EXOC5: variants seen among roughly 807,000 people sequenced by gnomAD.
The protein encoded by EXOC5 is exocyst complex component 5.
EXOC5 carries 17 observed loss-of-function variants against 90.8 expected under a neutral mutation model. That is an observed-to-expected ratio of 0.19 (90% CI 0.13 to 0.28). The LOEUF (loss-of-function observed/expected upper bound fraction) is 0.28, where lower values mean the gene tolerates loss of function less well. EXOC5 is among the 10% of genes least tolerant of loss of function. EXOC5 has a pLI of 1.00. For missense variants in EXOC5, 569 were observed against 830.6 expected (o/e 0.69, Z 3.87); for synonymous variants, 260 against 270.0 (o/e 0.96, Z 0.36).
In EXOC5 at chr14:57,208,690, A is replaced by C. The variant is rs1435960689; in HGVS notation, c.2046T>G (p.Asn682Lys). The change falls in exon 18 of 18, where the codon AAT becomes AAG. Residue 682 changes from asparagine to lysine, a missense_variant. Physicochemically the swap from Asn to Lys is moderately conservative, Grantham distance 94. Transcript: ENST00000621441. ...AGGAGTGAAGTATATTCTTGTCCAG[A>C]TTAGCAAGTTGTTCTCCTGAGCAGA... Reference protein sequence around the residue: ...KQVCSGEQLANLDKNILHSFV... With the variant: ...KQVCSGEQLAKLDKNILHSFV... The C allele has an allele frequency of 6.2e-7, 1 of 1,612,878 alleles. No individual in the cohort carries two copies. Among genetic ancestry groups the C allele is most frequent in the Non-Finnish European group, 8.5e-7 (1 of 1,179,452 alleles).
intron 17 of EXOC5, 57 bp downstream of exon 17, chr14:57,209,506 TAATA>T (rs1305183515): frequency 1.1e-6 from 1 of 890,464 alleles, no homozygotes; most frequent in African/African-American, 1.7e-5. Context: ...TAGTGATTTT[TAATA>T]ATCTGACTTA....
At position 57,207,317 on chromosome 14, in the gene EXOC5, T is replaced by C. The variant is rs1321542978; in HGVS notation, c.*1292A>G. On this transcript the variant is annotated 3_prime_UTR_variant, in exon 18 of 18. Transcript: ENST00000621441. ...GAAAAAATGCCAAGAGTGAATTGAA[T>C]ACTTAAGTTTATCTGTTCCTAGAAG... 2.6e-5 allele frequency: 4 copies of C among 152,504 alleles called. No individual in the cohort carries two copies. The highest frequency in any genetic ancestry group is 2.9e-5 in the Non-Finnish European group (2 of 67,954). 9.4% of individuals were successfully genotyped at this position (152,504 alleles called of 1,614,324 possible).
At position 57,268,864 on chromosome 14, in the gene EXOC5, G is replaced by A. The variant is rs1027017839; in HGVS notation, c.-216C>T. On this transcript the variant is annotated 5_prime_UTR_variant, in exon 1 of 18. Coordinates refer to ENST00000621441, the MANE Select transcript of EXOC5 (RefSeq NM_006544.4). ...TCAGCTGCCTCCCGGCGCCGCCCGCGCTGCTCCCATTGTCACCGCCTCATA... is the reference window on the plus strand; with the variant it reads ...TCAGCTGCCTCCCGGCGCCGCCCGCACTGCTCCCATTGTCACCGCCTCATA... The A allele has an allele frequency of 2.0e-5, 26 of 1,280,164 alleles. No individual in the cohort carries two copies. The highest frequency in any genetic ancestry group is 2.7e-5 in the Non-Finnish European group (26 of 974,644). The allele number at this position is 1,280,164 out of a possible 1,614,324, so 79.3% of individuals were successfully genotyped here.
intron 13 of EXOC5, among the ~76,000 whole-genome samples, chr14:57,220,207 C>G (rs141313353): frequency 6.6e-6 from 1 of 151,402 alleles, no homozygotes; most frequent in Non-Finnish European, 1.5e-5. Context: ...TCCCTCCGCC[C>G]CCCCTGCCCC....
chr14:57,216,291 A>G (rs959666351), intron 15 of EXOC5, among the ~76,000 whole-genome samples: 2 of 151,864 alleles, frequency 1.3e-5, no homozygotes, highest in African/African-American at 2.4e-5. Context: ...AAAAAAAAAA[A>G]CACTAAAATT....
intron 1 of EXOC5, chr14:57,268,199 TTCC>T (rs926574544): frequency 1.3e-5 from 3 of 233,524 alleles, no homozygotes; most frequent in African/African-American, 6.9e-5. Flanking sequence ...CTCAAGTGGC[TTCC>T]TCCTATTATT....
intron 1 of EXOC5, 36 bp downstream of exon 1, chr14:57,268,586 G>T: frequency 1.3e-6 from 2 of 1,576,476 alleles, no homozygotes; most frequent in East Asian, 2.3e-5. Context: ...TGCAAACCCC[G>T]GGCCTGCCAC....
In EXOC5 at chr14:57,219,435, G is replaced by C. The variant is rs754213751; in HGVS notation, c.1413C>G (p.Pro471=). 1 of 1,572,174 alleles carries C rather than the reference G, an allele frequency of 6.4e-7. No homozygotes were observed. The highest frequency in any genetic ancestry group is 1.9e-5 in the Admixed American group (1 of 51,670). The change falls in exon 14 of 18, where the codon CCC becomes CCG. Residue 471 remains proline, a synonymous_variant. Transcript: ENST00000621441. ...GATTTGCATTCCTAGAATCTGAAGAGGGAATTCCTAAAACCAGAAAGCATA... is the reference window on the plus strand; with the variant it reads ...GATTTGCATTCCTAGAATCTGAAGACGGAATTCCTAAAACCAGAAAGCATA... ...YALETGLAGI[P]SSDSRNANLY... is the part of the protein sequence containing the mutation.
chr14:57,206,382 ATTT>A lies in EXOC5; in HGVS notation c.*2224_*2226del. The A allele has an allele frequency of 6.6e-6, 1 of 150,738 alleles. No homozygotes were observed. Among genetic ancestry groups the A allele is most frequent in the Non-Finnish European group, 1.5e-5 (1 of 68,290 alleles). The allele number at this position is 150,738 out of a possible 1,614,324, so 9.3% of individuals were successfully genotyped here. A position where few individuals can be genotyped will look rare whatever the true frequency, so the allele number is the denominator to read the frequency against. On this transcript the variant is annotated 3_prime_UTR_variant, in exon 18 of 18. Coordinates refer to ENST00000621441, the MANE Select transcript of EXOC5 (RefSeq NM_006544.4). ...GAATGCATATTGCCTCACATGACACATTTTTTTTTTTCCCTCAGAGAAAGACCA... is the reference window on the plus strand; with the variant it reads ...GAATGCATATTGCCTCACATGACACATTTTTTTTCCCTCAGAGAAAGACCA...
At chr14:57,214,167 C>T (rs994944031) in intron 15 of EXOC5, among the ~76,000 whole-genome samples, 54 of 152,158 alleles carry the variant, frequency 3.5e-4, no homozygotes, top group African/African-American at 1.3e-3. Context: ...TTGGCATGTC[C>T]AGCCTACACA....
In EXOC5 at chr14:57,247,679, G is replaced by T. The variant is rs199912312; in HGVS notation, c.61C>A (p.Leu21Ile). 7.6e-4 allele frequency: 1,185 copies of T among 1,567,928 alleles called. 2 individuals carry two copies. Among genetic ancestry groups the T allele is most frequent in the South Asian group, 9.2e-4 (78 of 84,686 alleles). Residue 21 changes from leucine (L) to isoleucine (I), a missense_variant, in exon 2 of 18, where the codon CTT (leucine) becomes ATT (isoleucine). Transcript: ENST00000621441. ...PFVADEYIER[L>I]VWRTPGGGSR... ...CCTCCTCCTGGGGTTCTCCATACAAGACGTTCAATATATTCATCTGCCACA... is the reference window on the plus strand; with the variant it reads ...CCTCCTCCTGGGGTTCTCCATACAATACGTTCAATATATTCATCTGCCACA...
intron 12 of EXOC5, among the ~76,000 whole-genome samples, chr14:57,223,208 C>T (rs1333738260): frequency 6.6e-6 from 1 of 152,054 alleles, no homozygotes; most frequent in Non-Finnish European, 1.5e-5. Context: ...GCTGCTGTTG[C>T]TGTTAAACTA....
At chr14:57,245,235 C>T (rs1883999645) in intron 3 of EXOC5, among the ~76,000 whole-genome samples, 1 of 152,042 alleles carries the variant, frequency 6.6e-6, no homozygotes, top group South Asian at 2.1e-4. Flanking sequence ...TAATTGCCAA[C>T]AGTGGAATTG....
chr14:57,229,566 A>T (rs1883414420), intron 12 of EXOC5, among the ~76,000 whole-genome samples, 168 bp downstream of exon 12: 1 of 152,218 alleles, frequency 6.6e-6, no homozygotes, highest in Non-Finnish European at 1.5e-5. Context: ...TCTACAGACT[A>T]ATTAAAGTAT....
intron 15 of EXOC5, among the ~76,000 whole-genome samples, chr14:57,214,307 G>A (rs761361242): frequency 4.6e-5 from 7 of 152,130 alleles, no homozygotes; most frequent in Admixed American, 1.3e-4. Flanking sequence ...CAAATAAACC[G>A]TGTGCTGTGC....
At position 57,233,832 on chromosome 14, in the gene EXOC5, T is replaced by C. The variant is rs1883561952; in HGVS notation, c.766A>G (p.Arg256Gly). Residue 256 changes from arginine (R) to glycine (G), a missense_variant, in exon 9 of 18, where the codon AGA becomes GGA. Physicochemically the swap from Arg to Gly is moderately radical, Grantham distance 125 (BLOSUM62 -2). This residue lies in a region of EXOC5 where 114 missense variants were observed against 111.2 expected (regional missense o/e 1.03). Transcript: ENST00000621441. Reference sequence around the variant, plus strand: ...ATATCTCCAACTTGTTTGTTCACTCTTTGACAGAGTATTCCAGCGTCTTCA... The same window carrying C: ...ATATCTCCAACTTGTTTGTTCACTCCTTGACAGAGTATTCCAGCGTCTTCA... ...IFEDAGILCQ[R>G]VNKQVGDIFS... The C allele has an allele frequency of 6.2e-7, 1 of 1,609,740 alleles. No homozygotes were observed. Among genetic ancestry groups the C allele is most frequent in the Non-Finnish European group, 8.5e-7 (1 of 1,176,252 alleles).
rs1212109560 is a variant in EXOC5, at chr14:57,268,793, C to T, written c.-145G>A. 1 of 1,416,710 alleles carries T rather than the reference C, an allele frequency of 7.1e-7. No individual in the cohort carries two copies. Among genetic ancestry groups the T allele is most frequent in the South Asian group, 1.5e-5 (1 of 66,966 alleles). 87.8% of individuals were successfully genotyped at this position (1,416,710 alleles called of 1,614,324 possible). The stretch of plus-strand genomic sequence containing the variant: ...GGGCTCCCCAGCTCCCCACAGATCC[C>T]AGGAGGGGCGGGAGAGCGGCCATGA... On this transcript the variant is annotated 5_prime_UTR_variant, in exon 1 of 18. Coordinates refer to ENST00000621441, the MANE Select transcript of EXOC5 (RefSeq NM_006544.4).
rs767783120 is a variant in EXOC5 at position 57,244,283 on chromosome 14, T to C, written c.347A>G (p.Gln116Arg). Residue 116 changes from glutamine (Q) to arginine (R), a missense_variant, in exon 4 of 18, where the codon CAG becomes CGG. Around this residue, in one of 9 missense-constraint regions of EXOC5, gnomAD observed 97 missense variants for 177.9 expected, o/e 0.55. Coordinates refer to ENST00000621441, the MANE Select transcript of EXOC5 (RefSeq NM_006544.4). ...VATKVCHLGD[Q>R]LEGVNTPRQR... ...TCTGGGTGTGTTTACCCCCTCTAAC[T>C]GGTCTCCAAGGTGACAGACTTTAGT... is the stretch of plus-strand genomic sequence containing the variant. 11 of 1,613,606 alleles carry C rather than the reference T, an allele frequency of 6.8e-6. No homozygotes were observed. The highest frequency in any genetic ancestry group is 7.6e-6 in the Non-Finnish European group (9 of 1,179,624).
chr14:57,234,348 C>T (rs1883584675), intron 7 of EXOC5, among the ~76,000 whole-genome samples: 1 of 151,490 alleles, frequency 6.6e-6, no homozygotes, highest in Non-Finnish European at 1.5e-5. Context: ...TAGCCATCTC[C>T]TTCAACTCCA....
Sources: allele counts gnomAD v4.1 joint callset (sites outside exome capture counted in the v4.1 genomes callset), GRCh38; gene constraint gnomAD v4.1.1; regional missense constraint gnomAD v4.1.1; transcripts MANE v1.5; gene names NCBI Gene and HGNC (gene_info 2026-07-23, HGNC 2026-07-21).